Variants in CXCL13 observed in about 807,000 individuals in gnomAD.
The protein encoded by CXCL13 is C-X-C motif chemokine 13.
Under a neutral mutation model 12.2 loss-of-function variants are expected in CXCL13, and 7 were observed. That is an observed-to-expected ratio of 0.57 (90% CI 0.33 to 1.07). The LOEUF is 1.07. Ranked by LOEUF, CXCL13 falls within the 50% of genes least tolerant of loss-of-function variation. The probability of loss-of-function intolerance (pLI) is 0.04; values close to 1 mark genes in which losing one functional copy is unlikely to be tolerated. For synonymous variants in CXCL13, 47 were observed against 42.4 expected (o/e 1.11, Z -0.42); for missense variants, 113 against 127.4 (o/e 0.89, Z 0.55).
chr4:77,557,348 T>G (rs962241845), intron 1 of CXCL13, among the ~76,000 whole-genome samples: 12 of 152,210 alleles, frequency 7.9e-5, no homozygotes, highest in Admixed American at 1.3e-4. Context: ...CTTGCAAGGC[T>G]GCTGCAGGGG....
chr4:77,531,985 C>T (rs532725826), intron 1 of CXCL13, among the ~76,000 whole-genome samples: 1 of 152,288 alleles, frequency 6.6e-6, no homozygotes, highest in South Asian at 2.1e-4. Flanking sequence ...ACTGACGCGT[C>T]TTGACTCTTT....
At chr4:77,549,004 TC>T (rs953842346) in intron 1 of CXCL13, among the ~76,000 whole-genome samples, 11 of 152,200 alleles carry the variant, frequency 7.2e-5, no homozygotes, top group African/African-American at 2.7e-4. Flanking sequence ...TTTCACATAG[TC>T]CCATATTTCT....
intron 1 of CXCL13, among the ~76,000 whole-genome samples, chr4:77,599,278 T>A (rs1213076750): frequency 6.6e-6 from 1 of 152,220 alleles, no homozygotes; most frequent in Non-Finnish European, 1.5e-5. Context: ...CTCAAGTCTC[T>A]GATATAAAAT....
At chr4:77,532,081 C>A (rs147405174) in intron 1 of CXCL13, among the ~76,000 whole-genome samples, 2,391 of 152,264 alleles carry the variant, frequency 0.016, 39 homozygotes, top group Non-Finnish European at 0.023. Context: ...GAATTTGATG[C>A]TATCATTATG....
chr4:77,588,562 T>C (rs1308228581), intron 1 of CXCL13, among the ~76,000 whole-genome samples: 1 of 152,202 alleles, frequency 6.6e-6, no homozygotes, highest in South Asian at 2.1e-4. Context: ...AAATATGTAA[T>C]TTTTTCTTAT....
chr4:77,544,236 G>A (rs572547245), intron 1 of CXCL13, among the ~76,000 whole-genome samples: 1 of 152,178 alleles, frequency 6.6e-6, no homozygotes, highest in South Asian at 2.1e-4. Context: ...TAGTAGCATG[G>A]TTTATAATCC....
Position 77,522,514 on chromosome 4 carries a change from C to CTTTTTTTTTTTT in CXCL13, c.-43+10745_-43+10756dup. On this transcript the variant is annotated intron_variant, in intron 1 of 4. Transcript: ENST00000286758. ...TCAGAGACTAGGACTGCAACCCCTG[C>CTTTTTTTTTTTT]TTTTTTTTTTTTTTTTTTTTTTTTT... Among the ~76,000 whole-genome samples, 21 of 10,090 alleles carry CTTTTTTTTTTTT rather than the reference C, an allele frequency of 2.1e-3. 5 individuals carry two copies. The highest frequency in any genetic ancestry group is 5.1e-3 in the African/African-American group (13 of 2,558). 6.6% of individuals were successfully genotyped at this position (10,090 alleles called of 152,430 possible). A position where few individuals can be genotyped will look rare whatever the true frequency, so the allele number is the denominator to read the frequency against.
At chr4:77,602,414 G>C (rs1358587283), upstream of CXCL13, among the ~76,000 whole-genome samples, 1 of 152,160 alleles carries the variant, frequency 6.6e-6, no homozygotes, top group African/African-American at 2.4e-5. Context: ...TCTTTATCCA[G>C]AAATAGCATG....
At chr4:77,517,525 T>C (rs868373203) in intron 1 of CXCL13, among the ~76,000 whole-genome samples, 121 of 152,278 alleles carry the variant, frequency 7.9e-4, no homozygotes, top group African/African-American at 1.6e-3. Flanking sequence ...GGATAGTTAG[T>C]TCTTCTTGTT....
At chr4:77,580,308 C>CTTTT (rs1015001550) in intron 1 of CXCL13, among the ~76,000 whole-genome samples, 594 of 17,624 alleles carry the variant, frequency 0.034, 176 homozygotes, top group Middle Eastern at 0.062. Context: ...AGTTTTCTTT[C>CTTTT]TTTTTTTTTT....
intron 1 of CXCL13, among the ~76,000 whole-genome samples, chr4:77,581,591 T>A (rs1726334986): frequency 6.6e-6 from 1 of 152,118 alleles, no homozygotes; most frequent in South Asian, 2.1e-4. Flanking sequence ...TTACTCCCCA[T>A]AAGAGTTAGC....
At chr4:77,532,820 T>A (rs7673429) in intron 1 of CXCL13, among the ~76,000 whole-genome samples, 4,086 of 152,310 alleles carry the variant, frequency 0.027, 186 homozygotes, top group African/African-American at 0.093. Context: ...TGATACCCTT[T>A]CTTCCAGTCA....
At chr4:77,553,851 A>G (rs1425538066) in intron 1 of CXCL13, among the ~76,000 whole-genome samples, 1 of 152,212 alleles carries the variant, frequency 6.6e-6, no homozygotes, top group African/African-American at 2.4e-5. Flanking sequence ...CCAAATATGT[A>G]GGATAAACAA....
chr4:77,557,582 C>T (rs1046203953), intron 1 of CXCL13, among the ~76,000 whole-genome samples: 2 of 152,202 alleles, frequency 1.3e-5, no homozygotes, highest in African/African-American at 4.8e-5. Flanking sequence ...CAGATCCATT[C>T]ATTACATTTT....
At chr4:77,603,921 GA>G (rs1484109364), upstream of CXCL13, among the ~76,000 whole-genome samples, 12 of 152,132 alleles carry the variant, frequency 7.9e-5, no homozygotes, top group African/African-American at 2.9e-4. Flanking sequence ...TCCTCATGTG[GA>G]AAGTGGTAAA....
chr4:77,553,976 T>G (rs1029318432), intron 1 of CXCL13, among the ~76,000 whole-genome samples: 2 of 152,206 alleles, frequency 1.3e-5, no homozygotes, highest in Non-Finnish European at 2.9e-5. Flanking sequence ...TAGGTAACTA[T>G]GTGAGATGAT....
chr4:77,552,000 T>A (rs1725536144), intron 1 of CXCL13, among the ~76,000 whole-genome samples: 1 of 152,178 alleles, frequency 6.6e-6, no homozygotes, highest in Admixed American at 6.5e-5. Flanking sequence ...CCTTTGAAGT[T>A]TCTTTGTGTT....
intron 1 of CXCL13, among the ~76,000 whole-genome samples, chr4:77,542,452 G>T (rs1017703232): frequency 3.3e-5 from 5 of 152,084 alleles, no homozygotes; most frequent in Non-Finnish European, 7.4e-5. Context: ...TTTTTTCTGT[G>T]TCTATTGAAA....
chr4:77,562,233 A>C (rs1725833060), intron 1 of CXCL13, among the ~76,000 whole-genome samples: 1 of 98,670 alleles, frequency 1.0e-5, no homozygotes, highest in Non-Finnish European at 2.0e-5. Context: ...CCACCCCACC[A>C]TGGGCTCCTG....
Sources: gnomAD v4.1 joint callset for allele counts (sites outside exome capture counted in the v4.1 genomes callset) on GRCh38, gnomAD v4.1.1 for gene constraint, MANE v1.5 for transcripts, NCBI Gene and HGNC (gene_info 2026-07-23, HGNC 2026-07-21) for gene names.